WNT9A: variants seen among roughly 807,000 people sequenced by gnomAD.
WNT9A encodes protein Wnt-9a.
A neutral mutation model predicts 31.4 loss-of-function variants in WNT9A; 8 were observed. The observed-to-expected ratio is 0.26, with a 90% confidence interval of 0.15 to 0.46. The LOEUF is 0.46. Among genes scored for constraint, WNT9A ranks in the 20% least tolerant of loss-of-function variants. WNT9A has a pLI of 0.99. For synonymous variants in WNT9A, 236 were observed against 220.1 expected, an observed-to-expected ratio of 1.07 and a Z score of -0.64; for missense variants, 457 against 522.9, an observed-to-expected ratio of 0.87 and a Z score of 1.23.
At chr1:227,945,881 G>GGCCTGCCCTGACCCAGGAT (rs1443364578) in intron 1 of WNT9A, among the ~76,000 whole-genome samples, 1 of 152,104 alleles carries the variant, frequency 6.6e-6, no homozygotes, top group African/African-American at 2.4e-5. Context: ...GATGGAACCT[G>GGCCTGCCCTGACCCAGGAT]GCCTGCCCTG....
intron 1 of WNT9A, among the ~76,000 whole-genome samples, chr1:227,934,781 A>G (rs1319184672): frequency 6.6e-6 from 1 of 152,200 alleles, no homozygotes; most frequent in African/African-American, 2.4e-5. Context: ...CCTGAGTCAC[A>G]GCCTCAGGGA....
chr1:227,924,352 G>A lies in WNT9A; in HGVS notation c.401C>T (p.Thr134Met), dbSNP rs750699209. ...GCTGCACGCCTTGGCCAGTGCGTGCGTCAGGCCAGCCGAGGAGATGGCATA... is the reference window on the plus strand; with the variant it reads ...GCTGCACGCCTTGGCCAGTGCGTGCATCAGGCCAGCCGAGGAGATGGCATA... Reference protein sequence around the residue: ...FLYAISSAGLTHALAKACSAG... With the variant: ...FLYAISSAGLMHALAKACSAG... Residue 134 changes from threonine to methionine, a missense_variant, in exon 3 of 4, where the codon ACG becomes ATG. Coordinates refer to ENST00000272164, the MANE Select transcript of WNT9A (RefSeq NM_003395.4). 8.1e-6 allele frequency: 13 copies of A among 1,613,296 alleles called. No individual in the cohort carries two copies. Among genetic ancestry groups the A allele is most frequent in the African/African-American group, 2.7e-5 (2 of 74,932 alleles).
Position 227,925,669 on chromosome 1 carries a change from G to T in WNT9A, c.96-150C>A. The T allele has an allele frequency of 7.7e-7, 1 of 1,303,562 alleles. No individual in the cohort carries two copies. Among genetic ancestry groups the T allele is most frequent in the South Asian group, 1.6e-5 (1 of 63,270 alleles). The allele number at this position is 1,303,562 out of a possible 1,614,324, so 80.7% of individuals were successfully genotyped here. The stretch of plus-strand genomic sequence containing the variant: ...TCCAGGATGAGCCAGGCAGGGGAGA[G>T]GGAGGCGAGAAGGGCCTTGGCCCCC... On this transcript the variant is annotated intron_variant, in intron 1 of 3. Transcript: ENST00000272164. This position sits in a 1 kb window ranked among gnomAD's most constrained non-coding sequence, Gnocchi z 6.0.
intron 3 of WNT9A, among the ~76,000 whole-genome samples, chr1:227,922,732 C>T (rs1221372775): frequency 1.3e-5 from 2 of 152,208 alleles, no homozygotes; most frequent in Non-Finnish European, 2.9e-5. Context: ...AGAAGCCTGG[C>T]TGGGCCTGTC....
chr1:227,923,233 C>T (rs1393045168), intron 3 of WNT9A, among the ~76,000 whole-genome samples: 1 of 152,144 alleles, frequency 6.6e-6, no homozygotes, highest in Non-Finnish European at 1.5e-5. Context: ...GCAGGGCCGG[C>T]TCTATTTACC....
chr1:227,943,810 AC>A (rs1666751888), intron 1 of WNT9A, among the ~76,000 whole-genome samples: 1 of 152,118 alleles, frequency 6.6e-6, no homozygotes, highest in Admixed American at 6.5e-5. Flanking sequence ...CCCCATCTCT[AC>A]AAAAAATAAA....
At chr1:227,936,173 G>A (rs1191934784) in intron 1 of WNT9A, among the ~76,000 whole-genome samples, 1 of 151,960 alleles carries the variant, frequency 6.6e-6, no homozygotes, top group African/African-American at 2.4e-5. Flanking sequence ...CTTCAATCTT[G>A]TGCAGTTTTT....
At chr1:227,947,711 G>C in intron 1 of WNT9A, 82 bp downstream of exon 1, 6 of 858,230 alleles carry the variant, frequency 7.0e-6, no homozygotes, top group Non-Finnish European at 7.1e-6. Flanking sequence ...GCCACCCCGG[G>C]TGCCTCGGGG....
chr1:227,922,692 G>A (rs1275866722), intron 3 of WNT9A, among the ~76,000 whole-genome samples: 2 of 152,176 alleles, frequency 1.3e-5, no homozygotes, highest in Non-Finnish European at 2.9e-5. Context: ...GGAGGGCCAG[G>A]CACCCACAAT....
At position 227,924,169 on chromosome 1, in the gene WNT9A, A is replaced by C; in HGVS notation, c.584T>G (p.Val195Gly). 1.3e-6 allele frequency: 2 copies of C among 1,556,770 alleles called. No individual in the cohort carries two copies. The highest frequency in any genetic ancestry group is 1.7e-6 in the Non-Finnish European group (2 of 1,146,742). ...ACCCACGAGGTTGTTGTGGAAGTCC[A>C]CACGGGCTCGCAGATCCTTGCTTGA... ...RRSSKDLRAR[V>G]DFHNNLVGVK... The change falls in exon 3 of 4, where the codon GTG becomes GGG. Residue 195 changes from valine (V) to glycine (G), a missense_variant. Coordinates refer to ENST00000272164, the MANE Select transcript of WNT9A (RefSeq NM_003395.4).
At chr1:227,922,037 G>A in intron 3 of WNT9A, 37 bp from the exon 4 acceptor site, 1 of 1,567,036 alleles carries the variant, frequency 6.4e-7, no homozygotes, top group South Asian at 1.2e-5. Flanking sequence ...CAGTGTGAGG[G>A]CTGTGCAGGT....
chr1:227,925,238 T>C lies in WNT9A; in HGVS notation c.352+25A>G. ...GGCTGCCACCTGTCTGGGGCCTTCC[T>C]GAGGGCCAGGCCGGCCACACTCACC... On this transcript the variant is annotated intron_variant, in intron 2 of 3. Coordinates refer to ENST00000272164, the MANE Select transcript of WNT9A (RefSeq NM_003395.4). The surrounding 1 kb of genome is among the most constrained non-coding windows in gnomAD (Gnocchi z 6.0). The C allele has an allele frequency of 1.3e-6, 2 of 1,516,160 alleles. No individual in the cohort carries two copies. Among genetic ancestry groups the C allele is most frequent in the Non-Finnish European group, 1.8e-6 (2 of 1,129,030 alleles). 93.9% of individuals were successfully genotyped at this position (1,516,160 alleles called of 1,614,324 possible).
chr1:227,940,345 C>T (rs1558264221), intron 1 of WNT9A, among the ~76,000 whole-genome samples: 1 of 152,202 alleles, frequency 6.6e-6, no homozygotes, highest in Non-Finnish European at 1.5e-5. Context: ...GGCCTCTGTG[C>T]TCAGTGACCA....
intron 1 of WNT9A, among the ~76,000 whole-genome samples, chr1:227,936,220 G>A (rs977395697): frequency 6.6e-6 from 1 of 151,330 alleles, no homozygotes; most frequent in Non-Finnish European, 1.5e-5. Flanking sequence ...ACGGAGTCTC[G>A]CTCTGTTGCT....
In WNT9A at chr1:227,921,349, C is replaced by T; in HGVS notation, c.*169G>A. 8.9e-7 allele frequency: 1 copy of T among 1,117,480 alleles called. No homozygotes were observed. The highest frequency in any genetic ancestry group is 1.2e-6 in the Non-Finnish European group (1 of 800,396). 69.2% of individuals were successfully genotyped at this position (1,117,480 alleles called of 1,614,324 possible). ...TCACCCCACGCTGCTAGGTCTGAGCCCAGGGACTCAGCCCATGCAGGTGTA... is the reference window on the plus strand; with the variant it reads ...TCACCCCACGCTGCTAGGTCTGAGCTCAGGGACTCAGCCCATGCAGGTGTA... On this transcript the variant is annotated 3_prime_UTR_variant, in exon 4 of 4. Coordinates refer to ENST00000272164, the MANE Select transcript of WNT9A (RefSeq NM_003395.4).
chr1:227,929,010 T>A (rs1463837158), intron 1 of WNT9A, among the ~76,000 whole-genome samples: 1 of 152,090 alleles, frequency 6.6e-6, no homozygotes, highest in Admixed American at 6.5e-5. Context: ...TGTGCACGTG[T>A]GTGTGTGTGT....
intron 1 of WNT9A, among the ~76,000 whole-genome samples, chr1:227,932,263 T>A (rs1196684547): frequency 6.6e-6 from 1 of 152,236 alleles, no homozygotes; most frequent in African/African-American, 2.4e-5. Context: ...AGAAGTAGAT[T>A]CCATCTCAAG....
chr1:227,938,584 G>A (rs55697901), intron 1 of WNT9A, among the ~76,000 whole-genome samples: 2 of 151,646 alleles, frequency 1.3e-5, no homozygotes, highest in African/African-American at 4.8e-5. Context: ...CGCACGTGCA[G>A]ACACACAACC....
Position 227,921,390 on chromosome 1 carries a change from T to C in WNT9A, c.*128A>G, listed in dbSNP as rs920515012. The C allele has an allele frequency of 1.0e-4, 144 of 1,419,028 alleles. No homozygotes were observed. The highest frequency in any genetic ancestry group is 1.3e-4 in the Non-Finnish European group (136 of 1,053,086). The allele number at this position is 1,419,028 out of a possible 1,614,324, so 87.9% of individuals were successfully genotyped here. On this transcript the variant is annotated 3_prime_UTR_variant, in exon 4 of 4. Transcript: ENST00000272164. ...TGCAGGTGTAGACCCATTCACACTG[T>C]GTGCAATGCCTGTACCCCACGCAGC...
Sources: allele counts gnomAD v4.1 joint callset (sites outside exome capture counted in the v4.1 genomes callset), GRCh38; gene constraint gnomAD v4.1.1; non-coding constraint Gnocchi (gnomAD v3.1); transcripts MANE v1.5; gene names NCBI Gene and HGNC (gene_info 2026-07-23, HGNC 2026-07-21).